The following NFKB1 variants were observed in gnomAD, a reference collection of about 807,000 sequenced individuals.
NFKB1 encodes the protein nuclear factor NF-kappa-B p105 subunit.
In NFKB1, 9 loss-of-function variants were observed where a neutral mutation model predicts 105.1. The observed-to-expected ratio is 0.09, with a 90% CI of 0.05 to 0.15. The LOEUF is 0.15. Among genes scored for constraint, NFKB1 ranks in the 10% least tolerant of loss-of-function variants. NFKB1 has a pLI of 1.00. For missense variants in NFKB1, 830 were observed against 1,203.7 expected, an observed-to-expected ratio of 0.69 and a Z score of 4.59; for synonymous variants, 440 against 442.2, an observed-to-expected ratio of 1.00 and a Z score of 0.06.
chr4:102,569,876 A>C (rs1157183964), intron 6 of NFKB1, among the ~76,000 whole-genome samples: 1 of 152,110 alleles, frequency 6.6e-6, no homozygotes, highest in African/African-American at 2.4e-5. Flanking sequence ...AATATTTTTT[A>C]AGTTAGCTTT....
At chr4:102,581,009 A>T (rs1007086872) in intron 9 of NFKB1, among the ~76,000 whole-genome samples, 1 of 152,198 alleles carries the variant, frequency 6.6e-6, no homozygotes, top group African/African-American at 2.4e-5. Context: ...AATGTTTTAC[A>T]TAGTATTAAA....
At chr4:102,530,060 T>C in intron 3 of NFKB1, 146 bp downstream of exon 3, 2 of 621,958 alleles carry the variant, frequency 3.2e-6, no homozygotes, top group Non-Finnish European at 5.7e-6. Context: ...TTTAACATAC[T>C]TTCTTGAAAT....
rs184070765 is a variant in NFKB1, at chr4:102,607,316, G to A, written c.2121G>A (p.Leu707=). The A allele has an allele frequency of 1.2e-6, 2 of 1,611,076 alleles. No individual in the cohort carries two copies. The highest frequency in any genetic ancestry group is 1.7e-6 in the Non-Finnish European group (2 of 1,177,700). ...TCTCATTGGCAGGCTGCCTGCTCCT[G>A]GAGGTGAAGGGCACACTTATTTGCT... ...DNISLAGCLL[L]EGDAHVDSTT... Residue 707 remains leucine (L), a synonymous_variant, in exon 18 of 24, where the codon CTG becomes CTA. Coordinates refer to ENST00000226574, the MANE Select transcript of NFKB1 (RefSeq NM_003998.4).
rs1031573581 is a variant in NFKB1, at chr4:102,612,356, G to A, written c.2420-78G>A. The A allele has an allele frequency of 2.7e-6, 4 of 1,472,516 alleles. No individual in the cohort carries two copies. The East Asian group carries it at 9.1e-5, about 34-fold the overall frequency. The allele number at this position is 1,472,516 out of a possible 1,614,324, so 91.2% of individuals were successfully genotyped here. On this transcript the variant is annotated intron_variant, in intron 21 of 23. Transcript: ENST00000226574. ...GGTTCCACTGGGAGTTGGACAGCAA[G>A]CCAGGCAGCAATGATCAGTCCCTCC...
chr4:102,534,515 GC>G (rs1359820447), intron 4 of NFKB1, among the ~76,000 whole-genome samples: 6 of 152,146 alleles, frequency 3.9e-5, no homozygotes, highest in Non-Finnish European at 8.8e-5. Flanking sequence ...AACTGAAATG[GC>G]CTCCTCACTG....
chr4:102,519,525 G>T (rs1430809736), intron 1 of NFKB1, among the ~76,000 whole-genome samples: 2 of 151,668 alleles, frequency 1.3e-5, no homozygotes, highest in Non-Finnish European at 1.5e-5. Context: ...TATCACTTGA[G>T]TTAACATTGT....
intron 1 of NFKB1, chr4:102,510,967 A>G: frequency 7.8e-7 from 1 of 1,282,054 alleles, no homozygotes; most frequent in Non-Finnish European, 1.0e-6. Context: ...AAAAAGAAAA[A>G]GAGTGTTAAA....
intron 19 of NFKB1, among the ~76,000 whole-genome samples, chr4:102,608,198 C>T (rs796647856): frequency 6.6e-6 from 1 of 152,126 alleles, no homozygotes; most frequent in Non-Finnish European, 1.5e-5. Flanking sequence ...GAAAATGGGC[C>T]ATGTATTAAG....
At chr4:102,564,059 A>T (rs1040285693) in intron 5 of NFKB1, among the ~76,000 whole-genome samples, 39 of 151,974 alleles carry the variant, frequency 2.6e-4, no homozygotes, top group African/African-American at 8.4e-4. Flanking sequence ...ACCTCAGGTG[A>T]TCTACCCGTC....
chr4:102,615,743 C>T (rs4648140), intron 23 of NFKB1, among the ~76,000 whole-genome samples: 31 of 152,168 alleles, frequency 2.0e-4, no homozygotes, highest in Non-Finnish European at 3.5e-4. Context: ...AAATGATAGT[C>T]GTGCCACTGG....
At chr4:102,560,250 C>T (rs1723302162) in intron 5 of NFKB1, among the ~76,000 whole-genome samples, 1 of 152,116 alleles carries the variant, frequency 6.6e-6, no homozygotes, top group African/African-American at 2.4e-5. Flanking sequence ...TTACTTCTTT[C>T]TCGAAAGAAG....
At chr4:102,536,953 CCCT>C (rs1741680932) in intron 4 of NFKB1, among the ~76,000 whole-genome samples, 1 of 152,164 alleles carries the variant, frequency 6.6e-6, no homozygotes, top group African/African-American at 2.4e-5. Flanking sequence ...AGCGAAACCT[CCCT>C]TAATATGATG....
chr4:102,591,581 T>C (rs1242431734), intron 11 of NFKB1, among the ~76,000 whole-genome samples: 1 of 152,114 alleles, frequency 6.6e-6, no homozygotes, highest in African/African-American at 2.4e-5. Flanking sequence ...CAAGAAAACC[T>C]GGATGACAGC....
At chr4:102,525,812 A>C (rs1474685231) in intron 2 of NFKB1, among the ~76,000 whole-genome samples, 2 of 152,208 alleles carry the variant, frequency 1.3e-5, no homozygotes, top group Non-Finnish European at 2.9e-5. Context: ...TTAGCTTTCT[A>C]GAGCTACCAT....
intron 11 of NFKB1, 180 bp from the exon 12 acceptor site, chr4:102,593,245 C>A: frequency 1.7e-6 from 1 of 579,152 alleles, no homozygotes; most frequent in Non-Finnish European, 3.0e-6. Context: ...TAACTTTCAG[C>A]CTTCATACCC....
At chr4:102,507,167 T>G (rs1307332265) in intron 1 of NFKB1, among the ~76,000 whole-genome samples, 1 of 151,854 alleles carries the variant, frequency 6.6e-6, no homozygotes, top group Non-Finnish European at 1.5e-5. Flanking sequence ...TGAAAAGTAC[T>G]CCGAAGATTA....
chr4:102,599,951 A>G (rs1226686687), intron 15 of NFKB1, among the ~76,000 whole-genome samples: 1 of 152,210 alleles, frequency 6.6e-6, no homozygotes. Context: ...TGACACCACC[A>G]GTATGTTCAG....
chr4:102,613,541 C>T lies in NFKB1; in HGVS notation c.2709C>T (p.His903=), dbSNP rs1218601601. 2.5e-6 allele frequency: 4 copies of T among 1,613,760 alleles called. No individual in the cohort carries two copies. Among genetic ancestry groups the T allele is most frequent in the Admixed American group, 3.3e-5 (2 of 60,006 alleles). ...CAGTGAAGACCACCTCTCAGGCCCACTCGCTGCCTCTCTCGCCTGCCTCCA... is the reference window on the plus strand; with the variant it reads ...CAGTGAAGACCACCTCTCAGGCCCATTCGCTGCCTCTCTCGCCTGCCTCCA... ...SSPVKTTSQA[H]SLPLSPASTR... is the part of the protein sequence containing the mutation. The change falls in exon 23 of 24, where the codon CAC becomes CAT. Residue 903 remains histidine (H), a synonymous_variant. Transcript: ENST00000226574.
chr4:102,507,042 T>A (rs1305526794), intron 1 of NFKB1, among the ~76,000 whole-genome samples: 6 of 148,958 alleles, frequency 4.0e-5, no homozygotes, highest in South Asian at 2.1e-4. Flanking sequence ...ATAATTATAT[T>A]TAATATATAT....
Sources: allele counts gnomAD v4.1 joint callset (sites outside exome capture counted in the v4.1 genomes callset), GRCh38; gene constraint gnomAD v4.1.1; transcripts MANE v1.5; gene names NCBI Gene and HGNC (gene_info 2026-07-23, HGNC 2026-07-21).